The following PARD3 variants were observed in gnomAD, a reference collection of about 807,000 sequenced individuals.
The protein encoded by PARD3 is partitioning defective 3 homolog.
In PARD3, 75 loss-of-function variants were observed where a neutral mutation model predicts 155.4. The ratio of observed to expected loss-of-function variants is 0.48; its 90% CI spans 0.40 to 0.58. PARD3 has a LOEUF of 0.58. PARD3 is among the 20% of genes least tolerant of loss of function. PARD3 has a pLI of 0.00. For synonymous variants in PARD3, 576 were observed against 610.5 expected (o/e 0.94, Z 0.83); for missense variants, 1,642 against 1,721.7 (o/e 0.95, Z 0.82).
At chr10:34,628,501 C>T (rs1477307566) in intron 2 of PARD3, among the ~76,000 whole-genome samples, 1 of 152,236 alleles carries the variant, frequency 6.6e-6, no homozygotes, top group Non-Finnish European at 1.5e-5. Flanking sequence ...ATCGCCAATG[C>T]TCAATGCTGT....
chr10:34,317,394 T>C, intron 19 of PARD3, 56 bp from the exon 20 acceptor site: 1 of 1,539,790 alleles, frequency 6.5e-7, no homozygotes, highest in South Asian at 1.3e-5. Context: ...ACAAAAATAA[T>C]AAAGCTAAAA....
chr10:34,291,806 C>T (rs925062958), intron 20 of PARD3, among the ~76,000 whole-genome samples: 8 of 152,158 alleles, frequency 5.3e-5, no homozygotes, highest in South Asian at 4.1e-4. Context: ...CAACACTTTG[C>T]GAGGCCAAGG....
intron 1 of PARD3, among the ~76,000 whole-genome samples, chr10:34,721,366 T>C (rs1434672719): frequency 2.6e-5 from 4 of 152,152 alleles, no homozygotes; most frequent in East Asian, 1.9e-4. Context: ...TAAAGTAAGC[T>C]ATGTGAAAAG....
At chr10:34,342,018 C>T (rs779542818) in intron 15 of PARD3, among the ~76,000 whole-genome samples, 10 of 152,140 alleles carry the variant, frequency 6.6e-5, no homozygotes, top group African/African-American at 1.2e-4. Flanking sequence ...CTACCTCTGA[C>T]GCTACAACTA....
At chr10:34,259,155 T>C (rs998630277) in intron 22 of PARD3, among the ~76,000 whole-genome samples, 1 of 152,100 alleles carries the variant, frequency 6.6e-6, no homozygotes, top group Non-Finnish European at 1.5e-5. Context: ...CAGAGTAATC[T>C]AGAATGCAAA....
chr10:34,636,545 T>C (rs556025073), intron 2 of PARD3, among the ~76,000 whole-genome samples: 91 of 152,268 alleles, frequency 6.0e-4, no homozygotes, highest in African/African-American at 1.9e-3. Flanking sequence ...GGTGGAGGCA[T>C]GGAAAACGAA....
At chr10:34,752,234 A>G (rs1210577549) in intron 1 of PARD3, among the ~76,000 whole-genome samples, 1 of 151,982 alleles carries the variant, frequency 6.6e-6, no homozygotes, top group East Asian at 1.9e-4. Flanking sequence ...TCATCTTCTA[A>G]TCACATTAAA....
rs1417651689 is a variant in PARD3 at position 34,463,070 on chromosome 10, G to GAGGGAAAGGGA, written c.582+7004_582+7014dup. Among the ~76,000 whole-genome samples, 3 of 83,762 alleles carry GAGGGAAAGGGA rather than the reference G, an allele frequency of 3.6e-5. No individual in the cohort carries two copies. The East Asian group carries it at 1.3e-3, about 36-fold the overall frequency. 55.0% of individuals were successfully genotyped at this position (83,762 alleles called of 152,430 possible). On this transcript the variant is annotated intron_variant, in intron 4 of 24. Coordinates refer to ENST00000374788, the MANE Select transcript of PARD3 (RefSeq NM_001184785.2). ...GGAAAGGGAAGGGGGAGGGGAAGGG[G>GAGGGAAAGGGA]AGGGAAAGGGAAGGGAAGAGGAAAG...
At chr10:34,205,956 G>A (rs1291629438) in intron 22 of PARD3, among the ~76,000 whole-genome samples, 4 of 152,160 alleles carry the variant, frequency 2.6e-5, no homozygotes, top group African/African-American at 7.2e-5. Context: ...GCTGATGTTG[G>A]GAGGAGGGGC....
intron 1 of PARD3, among the ~76,000 whole-genome samples, chr10:34,751,133 G>C (rs967901024): frequency 6.6e-6 from 1 of 152,112 alleles, no homozygotes; most frequent in Non-Finnish European, 1.5e-5. Context: ...CAGGGAAGCT[G>C]CTTATCTCCC....
chr10:34,491,733 G>A (rs1186053386), intron 3 of PARD3, among the ~76,000 whole-genome samples: 1 of 152,122 alleles, frequency 6.6e-6, no homozygotes, highest in Non-Finnish European at 1.5e-5. Flanking sequence ...TTTAATTGAG[G>A]AGATAAAGCA....
intron 3 of PARD3, among the ~76,000 whole-genome samples, chr10:34,485,275 C>G (rs532202162): frequency 6.6e-6 from 1 of 151,452 alleles, no homozygotes. Context: ...GAGGCAGAGG[C>G]GGCAGTGAGC....
intron 22 of PARD3, among the ~76,000 whole-genome samples, chr10:34,198,466 G>A (rs1055889943): frequency 3.3e-5 from 5 of 151,454 alleles, no homozygotes; most frequent in African/African-American, 1.2e-4. Context: ...GTGTGTGTGT[G>A]TGTGTGTGTG....
intron 2 of PARD3, among the ~76,000 whole-genome samples, chr10:34,662,515 A>G (rs1482959086): frequency 6.6e-6 from 1 of 152,212 alleles, no homozygotes; most frequent in African/African-American, 2.4e-5. Context: ...AGTTTCCATC[A>G]ACAGATGAAT....
At chr10:34,208,902 C>A (rs1951608073) in intron 22 of PARD3, among the ~76,000 whole-genome samples, 1 of 152,142 alleles carries the variant, frequency 6.6e-6, no homozygotes, top group Non-Finnish European at 1.5e-5. Context: ...ATGTTTGAAA[C>A]CTCTATAAAT....
At chr10:34,415,661 C>G (rs1176859192) in intron 5 of PARD3, among the ~76,000 whole-genome samples, 1 of 152,140 alleles carries the variant, frequency 6.6e-6, no homozygotes, top group African/African-American at 2.4e-5. Context: ...ACCATAGTGC[C>G]TCTGCTCACC....
At chr10:34,568,528 A>G (rs1452457029) in intron 2 of PARD3, among the ~76,000 whole-genome samples, 3 of 152,240 alleles carry the variant, frequency 2.0e-5, no homozygotes, top group Non-Finnish European at 4.4e-5. Flanking sequence ...TAAAAATCAT[A>G]GGGGTTTAAT....
intron 18 of PARD3, among the ~76,000 whole-genome samples, chr10:34,334,681 AT>A (rs1475109235): frequency 2.0e-5 from 3 of 150,956 alleles, no homozygotes; most frequent in Non-Finnish European, 3.0e-5. Flanking sequence ...CTTTGTAATA[AT>A]TTTTTGCCCC....
intron 1 of PARD3, among the ~76,000 whole-genome samples, chr10:34,776,564 T>G (rs1314900219): frequency 6.6e-6 from 1 of 151,962 alleles, no homozygotes; most frequent in Non-Finnish European, 1.5e-5. Context: ...TTTTTTTTTT[T>G]TTTAGTAAGC....
Sources: allele counts gnomAD v4.1 joint callset (sites outside exome capture counted in the v4.1 genomes callset), GRCh38; gene constraint gnomAD v4.1.1; transcripts MANE v1.5; gene names NCBI Gene and HGNC (gene_info 2026-07-23, HGNC 2026-07-21).